The following DCLK1 variants were observed in gnomAD, a reference collection of about 807,000 sequenced individuals.
The protein encoded by DCLK1 is doublecortin like kinase 1.
In DCLK1, 16 loss-of-function variants were observed where a neutral mutation model predicts 86.2. The observed-to-expected ratio is 0.19, with a 90% CI of 0.13 to 0.28. DCLK1 has a LOEUF of 0.28. Ranked by LOEUF, DCLK1 falls within the 10% of genes least tolerant of loss-of-function variation. DCLK1 has a pLI of 1.00. For missense variants in DCLK1, 590 were observed against 940.2 expected, an observed-to-expected ratio of 0.63 and a Z score of 4.87; for synonymous variants, 369 against 370.5, an observed-to-expected ratio of 1.00 and a Z score of 0.05.
chr13:35,911,148 G>A (rs908253272), intron 4 of DCLK1, among the ~76,000 whole-genome samples: 1 of 134,072 alleles, frequency 7.5e-6, no homozygotes, highest in Non-Finnish European at 1.6e-5. Context: ...AAAAAAACTA[G>A]CCAGGCATGA....
intron 8 of DCLK1, among the ~76,000 whole-genome samples, chr13:35,835,393 C>A (rs1360374690): frequency 6.6e-6 from 1 of 152,176 alleles, no homozygotes; most frequent in African/African-American, 2.4e-5. Flanking sequence ...AAAAGAAACC[C>A]AAATCTGATA....
At chr13:35,939,389 T>G (rs1876958196) in intron 4 of DCLK1, among the ~76,000 whole-genome samples, 1 of 152,220 alleles carries the variant, frequency 6.6e-6, no homozygotes, top group African/African-American at 2.4e-5. Flanking sequence ...ATAGCTATAT[T>G]AGTTTTTCAG....
chr13:35,970,014 A>C (rs1055161512), intron 3 of DCLK1, among the ~76,000 whole-genome samples: 1 of 152,098 alleles, frequency 6.6e-6, no homozygotes, highest in Non-Finnish European at 1.5e-5. Flanking sequence ...GTGAGAAATA[A>C]ATTTCTGTTT....
intron 2 of DCLK1, among the ~76,000 whole-genome samples, chr13:36,121,925 GC>G (rs1369485259): frequency 6.6e-6 from 1 of 152,054 alleles, no homozygotes; most frequent in Non-Finnish European, 1.5e-5. Context: ...GGGAAACATG[GC>G]AAAACCCTGT....
intron 11 of DCLK1, among the ~76,000 whole-genome samples, chr13:35,817,059 T>C (rs2087284991): frequency 6.6e-6 from 1 of 152,194 alleles, no homozygotes; most frequent in Non-Finnish European, 1.5e-5. Context: ...TATGTTATTT[T>C]TAATTTTTGC....
At chr13:35,851,993 G>A (rs996245424) in intron 6 of DCLK1, among the ~76,000 whole-genome samples, 3 of 147,066 alleles carry the variant, frequency 2.0e-5, no homozygotes, top group Admixed American at 1.3e-4. Flanking sequence ...GCATGTGTGT[G>A]TATGTGTGTG....
intron 3 of DCLK1, among the ~76,000 whole-genome samples, chr13:36,011,727 T>C (rs1298796465): frequency 2.0e-5 from 3 of 151,956 alleles, no homozygotes; most frequent in Non-Finnish European, 4.4e-5. Flanking sequence ...GAGAGTTCTG[T>C]AGATGTCTAT....
chr13:35,965,439 C>T (rs1366881731), intron 3 of DCLK1, among the ~76,000 whole-genome samples: 3 of 152,180 alleles, frequency 2.0e-5, no homozygotes, highest in African/African-American at 7.2e-5. Context: ...GCCCTAATTC[C>T]ATCTGATAGT....
At chr13:35,804,947 G>A (rs2086996162) in intron 15 of DCLK1, among the ~76,000 whole-genome samples, 1 of 152,154 alleles carries the variant, frequency 6.6e-6, no homozygotes, top group African/African-American at 2.4e-5. Flanking sequence ...GTTTTAACAG[G>A]CTCTCCAGGT....
At chr13:36,025,017 G>T (rs1345312541) in intron 3 of DCLK1, among the ~76,000 whole-genome samples, 2 of 150,488 alleles carry the variant, frequency 1.3e-5, no homozygotes, top group African/African-American at 4.9e-5. Flanking sequence ...GCCCAGGCTG[G>T]AGTGCAATGG....
At chr13:35,823,345 TTATTAGGA>T (rs981317530) in intron 10 of DCLK1, among the ~76,000 whole-genome samples, 1 of 139,216 alleles carries the variant, frequency 7.2e-6, no homozygotes, top group Non-Finnish European at 1.5e-5. Context: ...CCTAGTGAAA[TTATTAGGA>T]TGCACACACA....
At chr13:35,976,590 G>A (rs1220672636) in intron 3 of DCLK1, among the ~76,000 whole-genome samples, 1 of 141,914 alleles carries the variant, frequency 7.0e-6, no homozygotes, top group Non-Finnish European at 1.5e-5. Flanking sequence ...GAGTGCAGTG[G>A]CGGGATCTCG....
rs540185144 is a variant in DCLK1 at position 35,815,467 on chromosome 13, G to A, written c.1555-4499C>T. 3.9e-5 allele frequency among the ~76,000 whole-genome samples: 6 copies of A among 152,124 alleles called. No individual in the cohort carries two copies. In the East Asian group the frequency reaches 5.8e-4, roughly 15 times the overall value. On this transcript the variant is annotated intron_variant, in intron 11 of 16. Transcript: ENST00000360631. ...AATCCAAGGGTAACCCTGATGAAAC[G>A]TTGGCTAATGAATTATTAGTAACCA...
At position 35,828,305 on chromosome 13, in the gene DCLK1, G is replaced by A. The variant is rs773115614; in HGVS notation, c.1232C>T (p.Ser411Leu). 26 of 1,604,092 alleles carry A rather than the reference G, an allele frequency of 1.6e-5. No homozygotes were observed. The highest frequency in any genetic ancestry group is 5.1e-5 in the Admixed American group (3 of 59,396). The change falls in exon 9 of 17, where the codon TCG (serine) becomes TTG (leucine). Residue 411 changes from serine (S) to leucine (L), a missense_variant and splice_region_variant. Physicochemically the swap from Ser to Leu is moderately radical, Grantham distance 145. Transcript: ENST00000360631. ...TTTCAGAGCATACTCTCTAGCAGTCGATCTGCGAAGAGAAAGTTCATGTTT... is the reference window on the plus strand; with the variant it reads ...TTTCAGAGCATACTCTCTAGCAGTCAATCTGCGAAGAGAAAGTTCATGTTT... ...FAVVKECVERSTAREYALKII... is the reference protein window; with the variant it reads ...FAVVKECVERLTAREYALKII...
At chr13:35,809,949 C>CTA (rs1174943225) in intron 12 of DCLK1, among the ~76,000 whole-genome samples, 1 of 152,200 alleles carries the variant, frequency 6.6e-6, no homozygotes, top group African/African-American at 2.4e-5. Context: ...AGAGTGCCAC[C>CTA]TAGATTCCCA....
chr13:35,935,950 T>C (rs1212695652), intron 4 of DCLK1, among the ~76,000 whole-genome samples: 1 of 152,118 alleles, frequency 6.6e-6, no homozygotes, highest in Non-Finnish European at 1.5e-5. Flanking sequence ...AGAACCATCA[T>C]TGCTAAAGCC....
intron 1 of DCLK1, among the ~76,000 whole-genome samples, chr13:36,127,912 G>T (rs959206803): frequency 5.3e-5 from 8 of 152,192 alleles, no homozygotes; most frequent in Admixed American, 2.6e-4. Context: ...TCAAAGGAAA[G>T]ACACTTTAAT....
At chr13:36,028,411 G>A (rs1403684223) in intron 3 of DCLK1, among the ~76,000 whole-genome samples, 2 of 152,040 alleles carry the variant, frequency 1.3e-5, no homozygotes, top group South Asian at 2.1e-4. Flanking sequence ...TTCCCTTTGC[G>A]CCTTCACAGG....
chr13:35,960,608 C>T (rs9565709), intron 3 of DCLK1, among the ~76,000 whole-genome samples: 45,291 of 152,070 alleles, frequency 0.3, 7,727 homozygotes, highest in East Asian at 0.57. Flanking sequence ...CAGGCATTCA[C>T]CACTACAGCT....
Sources: allele counts gnomAD v4.1 joint callset (sites outside exome capture counted in the v4.1 genomes callset), GRCh38; gene constraint gnomAD v4.1.1; transcripts MANE v1.5; gene names NCBI Gene and HGNC (gene_info 2026-07-23, HGNC 2026-07-21).